CNTN4: variants seen among roughly 807,000 people sequenced by gnomAD.
CNTN4 encodes the protein contactin 4, also known as contactin-4.
In CNTN4, 77 loss-of-function variants were observed where a neutral mutation model predicts 122.5. The ratio of observed to expected loss-of-function variants is 0.63; its 90% CI spans 0.52 to 0.76. CNTN4 has a LOEUF of 0.76. Among genes scored for constraint, CNTN4 ranks in the 30% least tolerant of loss-of-function variants. The probability of loss-of-function intolerance (pLI) is 0.00; values close to 1 mark genes in which losing one functional copy is unlikely to be tolerated. For missense variants in CNTN4, 1,256 were observed against 1,259.1 expected, an observed-to-expected ratio of 1.00 and a Z score of 0.04; for synonymous variants, 512 against 447.0, an observed-to-expected ratio of 1.15 and a Z score of -1.83.
intron 6 of CNTN4, among the ~76,000 whole-genome samples, chr3:2,755,150 A>G (rs1191880639): frequency 6.6e-6 from 1 of 152,204 alleles, no homozygotes; most frequent in Non-Finnish European, 1.5e-5. Context: ...TTAATATCTA[A>G]TAACTAGCTT....
intron 3 of CNTN4, among the ~76,000 whole-genome samples, chr3:2,474,008 C>G (rs1294055404): frequency 6.9e-6 from 1 of 144,614 alleles, no homozygotes; most frequent in Admixed American, 6.9e-5. Flanking sequence ...AAGCAAAACT[C>G]GGTCTCAAAA....
chr3:2,498,352 A>G (rs1353906659), intron 3 of CNTN4, among the ~76,000 whole-genome samples: 1 of 152,216 alleles, frequency 6.6e-6, no homozygotes, highest in Non-Finnish European at 1.5e-5. Flanking sequence ...AATGTTTTCC[A>G]GAGTGTCTCT....
intron 3 of CNTN4, among the ~76,000 whole-genome samples, chr3:2,481,392 C>T (rs1181046846): frequency 2.0e-5 from 3 of 151,804 alleles, no homozygotes; most frequent in South Asian, 2.1e-4. Context: ...CCACCCGCCT[C>T]GACCTCCCAA....
chr3:2,642,976 T>C (rs2082958883), intron 4 of CNTN4, among the ~76,000 whole-genome samples: 1 of 152,140 alleles, frequency 6.6e-6, no homozygotes, highest in Admixed American at 6.5e-5. Context: ...GGGATGGTAA[T>C]AAAATATACC....
chr3:2,444,014 C>G (rs887845177), intron 3 of CNTN4, among the ~76,000 whole-genome samples: 2 of 152,026 alleles, frequency 1.3e-5, no homozygotes, highest in African/African-American at 4.8e-5. Context: ...CCTGGATAGC[C>G]CCAGCCACCT....
At chr3:2,401,056 A>G (rs1431254593) in intron 3 of CNTN4, among the ~76,000 whole-genome samples, 1 of 152,212 alleles carries the variant, frequency 6.6e-6, no homozygotes, top group African/African-American at 2.4e-5. Flanking sequence ...TCAGGTATGT[A>G]TACCAGATAC....
chr3:3,043,486 T>A, intron 22 of CNTN4, 106 bp from the exon 23 acceptor site: 1 of 821,372 alleles, frequency 1.2e-6, no homozygotes, highest in Non-Finnish European at 2.1e-6. Flanking sequence ...ATTAGTGCAA[T>A]AGCCCATTAA....
At chr3:2,587,663 T>C (rs1274240974) in intron 4 of CNTN4, among the ~76,000 whole-genome samples, 2 of 152,254 alleles carry the variant, frequency 1.3e-5, no homozygotes, top group Admixed American at 6.5e-5. Context: ...CTCGATTCAG[T>C]TGAATTTAAG....
At chr3:2,806,037 G>T (rs552543076) in intron 6 of CNTN4, among the ~76,000 whole-genome samples, 2 of 152,114 alleles carry the variant, frequency 1.3e-5, no homozygotes, top group African/African-American at 4.8e-5. Context: ...GAGTAGCTGG[G>T]ACTACAGGTG....
intron 4 of CNTN4, among the ~76,000 whole-genome samples, chr3:2,610,666 C>T (rs899776407): frequency 6.6e-6 from 1 of 152,040 alleles, no homozygotes; most frequent in Non-Finnish European, 1.5e-5. Context: ...GAGAACAGAC[C>T]ATGGAAATGT....
intron 3 of CNTN4, among the ~76,000 whole-genome samples, chr3:2,494,600 C>T (rs1421625738): frequency 1.3e-5 from 2 of 152,160 alleles, no homozygotes; most frequent in Non-Finnish European, 2.9e-5. Context: ...TTAAATCTCT[C>T]CTGGATCAGG....
intron 2 of CNTN4, among the ~76,000 whole-genome samples, chr3:2,107,053 C>T (rs142161351): frequency 5.1e-4 from 78 of 152,316 alleles, no homozygotes; most frequent in African/African-American, 1.8e-3. Flanking sequence ...AACCATTCAA[C>T]AAGTCTCTAG....
chr3:2,182,547 C>T (rs1239896040), intron 2 of CNTN4, among the ~76,000 whole-genome samples: 1 of 152,000 alleles, frequency 6.6e-6, no homozygotes, highest in Non-Finnish European at 1.5e-5. Context: ...ATCTGAACTA[C>T]TCCTTATAAT....
At chr3:2,597,352 C>G (rs547863211) in intron 4 of CNTN4, among the ~76,000 whole-genome samples, 18 of 152,236 alleles carry the variant, frequency 1.2e-4, no homozygotes, top group African/African-American at 4.3e-4. Flanking sequence ...GTAGTTTGTC[C>G]TCTAGGTTCA....
At chr3:2,121,917 G>A (rs868536763) in intron 2 of CNTN4, among the ~76,000 whole-genome samples, 20 of 152,030 alleles carry the variant, frequency 1.3e-4, no homozygotes, top group African/African-American at 4.8e-4. Flanking sequence ...TGTAATCCCA[G>A]CACTTTGGGA....
chr3:2,976,615 C>A (rs1693439423), intron 13 of CNTN4, among the ~76,000 whole-genome samples: 1 of 152,126 alleles, frequency 6.6e-6, no homozygotes, highest in African/African-American at 2.4e-5. Flanking sequence ...ATCCAAAATA[C>A]CTTTTTTTCC....
chr3:2,892,932 C>T (rs986186574), intron 10 of CNTN4, among the ~76,000 whole-genome samples: 3 of 152,096 alleles, frequency 2.0e-5, no homozygotes, highest in Admixed American at 6.5e-5. Flanking sequence ...GCTAGAACTG[C>T]TTTTTTCTGC....
intron 5 of CNTN4, among the ~76,000 whole-genome samples, chr3:2,736,558 G>C (rs2089111533): frequency 6.6e-6 from 1 of 151,508 alleles, no homozygotes; most frequent in Admixed American, 6.6e-5. Context: ...CCGCCTCCCA[G>C]GTTCAAGCGA....
intron 3 of CNTN4, among the ~76,000 whole-genome samples, chr3:2,551,925 G>A (rs912129338): frequency 5.3e-5 from 8 of 152,086 alleles, no homozygotes; most frequent in African/African-American, 1.9e-4. Context: ...TATCAGAGAG[G>A]AAATAAAATG....
Sources: gnomAD v4.1 joint callset for allele counts (sites outside exome capture counted in the v4.1 genomes callset) on GRCh38, gnomAD v4.1.1 for gene constraint, MANE v1.5 for transcripts, NCBI Gene and HGNC (gene_info 2026-07-23, HGNC 2026-07-21) for gene names.